Variants in HLTF observed in about 807,000 individuals in gnomAD.
The protein encoded by HLTF is helicase like transcription factor, also known as DNA-dependent ATPase/E3 ubiquitin-protein ligase HLTF.
HLTF carries 127 observed loss-of-function variants against 129.4 expected under a neutral mutation model. The ratio of observed to expected loss-of-function variants is 0.98; its 90% CI spans 0.85 to 1.14. The LOEUF is 1.14. Ranked by LOEUF, HLTF falls within the 50% of genes most tolerant of loss-of-function variation. The pLI is 0.00. For missense variants in HLTF, 1,139 were observed against 1,187.1 expected, an observed-to-expected ratio of 0.96 and a Z score of 0.60; for synonymous variants, 332 against 388.8, an observed-to-expected ratio of 0.85 and a Z score of 1.72.
intron 23 of HLTF, among the ~76,000 whole-genome samples, chr3:149,036,908 C>A (rs981515919): frequency 1.3e-5 from 2 of 152,158 alleles, no homozygotes; most frequent in Admixed American, 1.3e-4. Context: ...TATAAAACTG[C>A]TAAAACGTTC....
chr3:149,081,580 C>A (rs1158992554), intron 2 of HLTF, among the ~76,000 whole-genome samples: 2 of 152,002 alleles, frequency 1.3e-5, no homozygotes, highest in East Asian at 3.8e-4. Flanking sequence ...ATAAAAAAGA[C>A]ACGAATGTGT....
At chr3:149,032,585 G>A (rs1715191245) in intron 24 of HLTF, among the ~76,000 whole-genome samples, 2 of 151,996 alleles carry the variant, frequency 1.3e-5, no homozygotes, top group South Asian at 4.1e-4. Flanking sequence ...AGAAGTTACA[G>A]ATCACAAGAT....
intron 17 of HLTF, 139 bp downstream of exon 17, chr3:149,047,889 A>C: frequency 1.9e-6 from 1 of 537,268 alleles, no homozygotes; most frequent in Non-Finnish European, 3.1e-6. Flanking sequence ...AGGTTCTGAA[A>C]GACAAAGGTA....
At chr3:149,079,331 G>A (rs810082) in intron 2 of HLTF, among the ~76,000 whole-genome samples, 1 of 88,486 alleles carries the variant, frequency 1.1e-5, no homozygotes, top group Non-Finnish European at 2.1e-5. Flanking sequence ...ACTGTCAAAA[G>A]AAGTTTGAGA....
intron 2 of HLTF, 119 bp downstream of exon 2, chr3:149,084,563 T>C (rs1720175243): frequency 1.3e-6 from 1 of 743,870 alleles, no homozygotes; most frequent in Non-Finnish European, 2.2e-6. Context: ...TGCGTACAAA[T>C]ATTTAACTAA....
rs368326544 is a variant in HLTF, at chr3:149,032,978, C to CAA, written c.2878-608_2878-607dup. On this transcript the variant is annotated intron_variant, in intron 24 of 24. Coordinates refer to ENST00000310053, the MANE Select transcript of HLTF (RefSeq NM_003071.4). The stretch of plus-strand genomic sequence containing the variant: ...GTCTCAAAAAAAAAAAAAAAAAAAA[C>CAA]AAAAAACTATTCCCAGAAATTCAAG... Among the ~76,000 whole-genome samples, 299 of 61,892 alleles carry CAA rather than the reference C, an allele frequency of 4.8e-3. 8 individuals are homozygous for CAA. Among genetic ancestry groups the CAA allele is most frequent in the African/African-American group, 5.1e-3 (70 of 13,810 alleles). 40.6% of individuals were successfully genotyped at this position (61,892 alleles called of 152,430 possible).
intron 23 of HLTF, among the ~76,000 whole-genome samples, chr3:149,037,581 C>T (rs1432637378): frequency 6.6e-6 from 1 of 152,030 alleles, no homozygotes; most frequent in South Asian, 2.1e-4. Context: ...GAGAAGGATA[C>T]CGTCAGTTGA....
intron 9 of HLTF, 100 bp from the exon 10 acceptor site, chr3:149,063,624 G>T: frequency 9.1e-6 from 6 of 656,276 alleles, no homozygotes; most frequent in South Asian, 1.9e-5. Flanking sequence ...CTGATTTTCA[G>T]TTTTCTTAAG....
chr3:149,041,871 G>T, intron 19 of HLTF: 1 of 581,452 alleles, frequency 1.7e-6, no homozygotes, highest in Non-Finnish European at 3.0e-6. Flanking sequence ...ATACCTCATA[G>T]AGAAGCATCA....
At chr3:149,038,211 G>C (rs1353116150) in intron 23 of HLTF, among the ~76,000 whole-genome samples, 1 of 152,116 alleles carries the variant, frequency 6.6e-6, no homozygotes, top group African/African-American at 2.4e-5. Context: ...AAGACTACTA[G>C]AACCGTGATG....
At chr3:149,066,713 T>C (rs1489281447) in intron 8 of HLTF, among the ~76,000 whole-genome samples, 1 of 152,156 alleles carries the variant, frequency 6.6e-6, no homozygotes, top group Non-Finnish European at 1.5e-5. Flanking sequence ...CAATTAATAA[T>C]TGAGACTAAA....
intron 10 of HLTF, among the ~76,000 whole-genome samples, 183 bp from the exon 11 acceptor site, chr3:149,061,041 T>C (rs1717897051): frequency 6.6e-6 from 1 of 152,146 alleles, no homozygotes; most frequent in South Asian, 2.1e-4. Context: ...CATAACCAGA[T>C]AGATGCATTA....
Position 149,077,267 on chromosome 3 carries a change from TAAA to T in HLTF, c.229-1223_229-1221del, listed in dbSNP as rs1559882661. Among the ~76,000 whole-genome samples, 89 of 149,634 alleles carry T rather than the reference TAAA, an allele frequency of 5.9e-4. 1 individual carries two copies. The highest frequency in any genetic ancestry group is 7.3e-4 in the African/African-American group (30 of 40,874). ...ATCTCAAAATAAATAAATAAATAAA[TAAA>T]TAAATAAATAAATAAATAAATAAAA... On this transcript the variant is annotated intron_variant, in intron 2 of 24. Coordinates refer to ENST00000310053, the MANE Select transcript of HLTF (RefSeq NM_003071.4).
intron 14 of HLTF, among the ~76,000 whole-genome samples, chr3:149,054,916 T>C (rs914851379): frequency 6.6e-6 from 1 of 152,240 alleles, no homozygotes; most frequent in Non-Finnish European, 1.5e-5. Context: ...AGGAGTTCAC[T>C]AACTGTTGTT....
At chr3:149,082,868 T>C (rs1719991255) in intron 2 of HLTF, among the ~76,000 whole-genome samples, 2 of 152,168 alleles carry the variant, frequency 1.3e-5, no homozygotes, top group South Asian at 2.1e-4. Context: ...CCAATTTACA[T>C]GCACATGCTC....
In HLTF at chr3:149,033,982, C is replaced by G. The variant is rs933564986; in HGVS notation, c.2877+936G>C. Among the ~76,000 whole-genome samples, 5 of 152,120 alleles carry G rather than the reference C, an allele frequency of 3.3e-5. No individual in the cohort carries two copies. The East Asian group carries it at 9.6e-4, about 29-fold the overall frequency. On this transcript the variant is annotated intron_variant, in intron 24 of 24. Coordinates refer to ENST00000310053, the MANE Select transcript of HLTF (RefSeq NM_003071.4). Reference sequence around the variant, plus strand: ...CATACATAAACAAAAGATTTCAAGTCAGACTGTATCAGGGAGTCCTTTATA... The same window carrying G: ...CATACATAAACAAAAGATTTCAAGTGAGACTGTATCAGGGAGTCCTTTATA...
At position 149,042,175 on chromosome 3, in the gene HLTF, C is replaced by T; in HGVS notation, c.2188G>A (p.Gly730Ser). The change falls in exon 19 of 25, where the codon GGC becomes AGC. Residue 730 changes from glycine to serine, a missense_variant. By Grantham distance (56) the Gly-to-Ser change is moderately conservative. Coordinates refer to ENST00000310053, the MANE Select transcript of HLTF (RefSeq NM_003071.4). ...YLLTNAVSSN[G>S]PSGNDTPEEL... Reference sequence around the variant, plus strand: ...AATCAAATTTACCTACCTGAGGGGCCATTGGAAGACACTGCATTTGTAAGA... The same window carrying T: ...AATCAAATTTACCTACCTGAGGGGCTATTGGAAGACACTGCATTTGTAAGA... 1 of 1,612,986 alleles carries T rather than the reference C, an allele frequency of 6.2e-7. No homozygotes were observed. Among genetic ancestry groups the T allele is most frequent in the Non-Finnish European group, 8.5e-7 (1 of 1,179,172 alleles).
intron 17 of HLTF, 26 bp from the exon 18 acceptor site, chr3:149,046,285 T>G: frequency 8.0e-7 from 1 of 1,255,544 alleles, no homozygotes; most frequent in South Asian, 1.4e-5. Flanking sequence ...CAAATAATTA[T>G]GTAACTTTTA....
In HLTF at chr3:149,060,794, G is replaced by A. The variant is rs200736972; in HGVS notation, c.1225C>T (p.Pro409Ser). ...TACATGTTACCTTTCATTTTCTGCG[G>A]CAATTCACTTGTTTCAATTTCCTCT... is the stretch of plus-strand genomic sequence containing the variant. ...DSEEIETSEL[P>S]QKMKGKLKNV... Residue 409 changes from proline (P) to serine (S), a missense_variant, in exon 11 of 25, where the codon CCG (proline) becomes TCG (serine). Coordinates refer to ENST00000310053, the MANE Select transcript of HLTF (RefSeq NM_003071.4). 1 of 1,612,956 alleles carries A rather than the reference G, an allele frequency of 6.2e-7. No individual in the cohort carries two copies. The highest frequency in any genetic ancestry group is 2.2e-5 in the East Asian group (1 of 44,802).
Sources: allele counts gnomAD v4.1 joint callset (sites outside exome capture counted in the v4.1 genomes callset), GRCh38; gene constraint gnomAD v4.1.1; transcripts MANE v1.5; gene names NCBI Gene and HGNC (gene_info 2026-07-23, HGNC 2026-07-21).